WDR6: variants seen among roughly 807,000 people sequenced by gnomAD.
WDR6 encodes the protein WD repeat domain 6, also known as tRNA (34-2'-O)-methyltransferase regulator WDR6.
A neutral mutation model predicts 85.6 loss-of-function variants in WDR6; 58 were observed. The observed-to-expected ratio is 0.68, with a 90% confidence interval of 0.55 to 0.84. The LOEUF is 0.84. WDR6 is among the 40% of genes least tolerant of loss of function. The pLI is 0.00. For missense variants in WDR6, 1,310 were observed against 1,476.4 expected (o/e 0.89, Z 1.85); for synonymous variants, 569 against 582.2 (o/e 0.98, Z 0.33).
chr3:49,010,586 C>T (rs1357418642), intron 1 of WDR6, among the ~76,000 whole-genome samples: 1 of 151,976 alleles, frequency 6.6e-6, no homozygotes, highest in African/African-American at 2.4e-5. Context: ...CTTGGTGGCT[C>T]ACGCCTATAA....
In WDR6 at chr3:49,012,281, G is replaced by C. The variant is rs755596006; in HGVS notation, c.747G>C (p.Gln249His). 2 of 1,614,266 alleles carry C rather than the reference G, an allele frequency of 1.2e-6. No individual in the cohort carries two copies. The highest frequency in any genetic ancestry group is 1.6e-4 in the Middle Eastern group (1 of 6,062). ...TGCGAGTGCCTGGGGGTCGGGTGCA[G>C]AATATTGGGCACTGCTTTGGGCACA... ...GDLRVPGGRV[Q>H]NIGHCFGHSA... is the part of the protein sequence containing the mutation. Residue 249 changes from glutamine to histidine, a missense_variant, in exon 2 of 6, where the codon CAG becomes CAC. By Grantham distance (24) the Gln-to-His change is conservative. Coordinates refer to ENST00000608424, the MANE Select transcript of WDR6 (RefSeq NM_018031.6). The surrounding 1 kb of genome is among the most constrained non-coding windows in gnomAD (Gnocchi z 4.4).
In WDR6 at chr3:49,012,785, CA is replaced by C; in HGVS notation, c.1253del (p.Lys418ArgfsTer24). On this transcript the variant is annotated frameshift_variant, in exon 2 of 6. Coordinates refer to ENST00000608424, the MANE Select transcript of WDR6 (RefSeq NM_018031.6). LOFTEE classifies it high-confidence loss of function. This position sits in a 1 kb window ranked among gnomAD's most constrained non-coding sequence, Gnocchi z 4.4. ...CTATGGCCAATGGGGAAGGTCGTGT[CA>C]AGGTTGTCCCCATCAACACTCCAAC... ...CAMANGEGRV[K>X]VVPINTPTAA... The C allele has an allele frequency of 6.2e-7, 1 of 1,613,970 alleles. No homozygotes were observed. The highest frequency in any genetic ancestry group is 2.2e-5 in the East Asian group (1 of 44,858).
chr3:49,015,723 C>A lies in WDR6; in HGVS notation c.*435C>A. ...GTCGAGGCTCCTGAAAGAGAAAGGG[C>A]CTGCTGGTCTCATCCTCTGCTTCCT... On this transcript the variant is annotated 3_prime_UTR_variant, in exon 6 of 6. Coordinates refer to ENST00000608424, the MANE Select transcript of WDR6 (RefSeq NM_018031.6). 1.2e-6 allele frequency: 2 copies of A among 1,614,054 alleles called. No homozygotes were observed. The highest frequency in any genetic ancestry group is 1.7e-6 in the Non-Finnish European group (2 of 1,179,998).
Position 49,013,834 on chromosome 3 carries a change from TC to T in WDR6, c.2301del (p.Thr768GlnfsTer31), listed in dbSNP as rs1191451321. 6.2e-7 allele frequency: 1 copy of T among 1,614,114 alleles called. No individual in the cohort carries two copies. The highest frequency in any genetic ancestry group is 1.1e-5 in the South Asian group (1 of 91,082). ...LPTTTGSAHA[L>X]TAVCNHISSV... is the part of the protein sequence containing the mutation. ...ACAACCACAGGCTCAGCCCACGCAC[TC>T]ACAGCTGTTTGTAACCATATCTCCT... On this transcript the variant is annotated frameshift_variant, in exon 2 of 6. Transcript: ENST00000608424. LOFTEE classifies it high-confidence loss of function. This position sits in a 1 kb window ranked among gnomAD's most constrained non-coding sequence, Gnocchi z 4.6.
chr3:49,013,816 C>T lies in WDR6; in HGVS notation c.2282C>T (p.Thr761Ile), dbSNP rs748824000. The T allele has an allele frequency of 1.2e-6, 2 of 1,614,140 alleles. No homozygotes were observed. The highest frequency in any genetic ancestry group is 3.3e-5 in the Admixed American group (2 of 60,032). Residue 761 changes from threonine (T) to isoleucine (I), a missense_variant, in exon 2 of 6, where the codon ACA (threonine) becomes ATA (isoleucine). By Grantham distance (89) the Thr-to-Ile change is moderately conservative. Transcript: ENST00000608424. The surrounding 1 kb of genome is among the most constrained non-coding windows in gnomAD (Gnocchi z 4.6). ...TVCVLALPTTTGSAHALTAVC... is the reference protein window; with the variant it reads ...TVCVLALPTTIGSAHALTAVC... ...TGTGTCCTAGCACTCCCTACAACCA[C>T]AGGCTCAGCCCACGCACTCACAGCT...
intron 1 of WDR6, among the ~76,000 whole-genome samples, chr3:49,010,685 T>C (rs1576613755): frequency 6.7e-6 from 1 of 148,352 alleles, no homozygotes; most frequent in South Asian, 2.2e-4. Context: ...CCTGTCTCTA[T>C]TAAAAATACA....
chr3:49,014,983 G>A lies in WDR6; in HGVS notation c.3061G>A (p.Glu1021Lys). The A allele has an allele frequency of 1.2e-6, 2 of 1,614,182 alleles. No individual in the cohort carries two copies. Among genetic ancestry groups the A allele is most frequent in the Non-Finnish European group, 1.7e-6 (2 of 1,180,012 alleles). The change falls in exon 6 of 6, where the codon GAG (glutamate) becomes AAG (lysine). Residue 1021 changes from glutamate (E) to lysine (K), a missense_variant. By Grantham distance (56) the Glu-to-Lys change is moderately conservative. Transcript: ENST00000608424. This position sits in a 1 kb window ranked among gnomAD's most constrained non-coding sequence, Gnocchi z 4.9. The part of the protein sequence containing the change: ...VLAVEMLQLE[E>K]AVGEAGLVPQ... ...TGCTGTGGAGATGCTACAGCTAGAA[G>A]AGGCTGTGGGAGAGGCTGGGCTGGT...
Position 49,010,275 on chromosome 3 carries a change from G to A in WDR6, c.101-1360G>A, listed in dbSNP as rs561050201. 6.4e-4 allele frequency among the ~76,000 whole-genome samples: 97 copies of A among 151,112 alleles called. 1 individual carries two copies. Among genetic ancestry groups the A allele is most frequent in the African/African-American group, 2.3e-3 (95 of 41,206 alleles). On this transcript the variant is annotated intron_variant, in intron 1 of 5. Coordinates refer to ENST00000608424, the MANE Select transcript of WDR6 (RefSeq NM_018031.6). ...CAAAAAATTAGCCGGGCATGGTGGC[G>A]GATGCCTGTAGTCCCAGCTACTTGG...
In WDR6 at chr3:49,015,278, G is replaced by T; in HGVS notation, c.3356G>T (p.Trp1119Leu). 1.2e-6 allele frequency: 2 copies of T among 1,610,144 alleles called. No homozygotes were observed. Among genetic ancestry groups the T allele is most frequent in the Non-Finnish European group, 8.5e-7 (1 of 1,179,864 alleles). ...LGGQGLEVYN[W>L]YD ...GGTCAGGGGCTTGAGGTTTACAACTGGTATGACTGAGGTATCCTGCGGTGG... is the reference window on the plus strand; with the variant it reads ...GGTCAGGGGCTTGAGGTTTACAACTTGTATGACTGAGGTATCCTGCGGTGG... The change falls in exon 6 of 6, where the codon TGG (tryptophan) becomes TTG (leucine). Residue 1119 changes from tryptophan to leucine, a missense_variant. Coordinates refer to ENST00000608424, the MANE Select transcript of WDR6 (RefSeq NM_018031.6).
In WDR6 at chr3:49,013,397, A is replaced by G. The variant is rs2093028970; in HGVS notation, c.1863A>G (p.Ile621Met). ...RGMNWLAGLR[I>M]VPDGSMVILG... ...TGAACTGGCTAGCTGGGCTCCGTAT[A>G]GTGCCCGATGGGAGCATGGTTATCC... The change falls in exon 2 of 6, where the codon ATA (isoleucine) becomes ATG (methionine). Residue 621 changes from isoleucine to methionine, a missense_variant. Physicochemically the swap from Ile to Met is conservative, Grantham distance 10. Transcript: ENST00000608424. This position sits in a 1 kb window ranked among gnomAD's most constrained non-coding sequence, Gnocchi z 4.6. 1 of 1,614,208 alleles carries G rather than the reference A, an allele frequency of 6.2e-7. No homozygotes were observed.
In WDR6 at chr3:49,015,252, G is replaced by A. The variant is rs1161061260; in HGVS notation, c.3330G>A (p.Gly1110=). 3 of 1,612,772 alleles carry A rather than the reference G, an allele frequency of 1.9e-6. No individual in the cohort carries two copies. The highest frequency in any genetic ancestry group is 2.5e-6 in the Non-Finnish European group (3 of 1,180,018). The change falls in exon 6 of 6, where the codon GGG becomes GGA. Residue 1110 remains glycine, a synonymous_variant. Transcript: ENST00000608424. ...AGTTTGGCCACCGTTGTGCCCTTGGGGGTCAGGGGCTTGAGGTTTACAACT... is the reference window on the plus strand; with the variant it reads ...AGTTTGGCCACCGTTGTGCCCTTGGAGGTCAGGGGCTTGAGGTTTACAACT... ...SPEFGHRCAL[G]GQGLEVYNWY...
At position 49,012,103 on chromosome 3, in the gene WDR6, C is replaced by A. The variant is rs747756087; in HGVS notation, c.569C>A (p.Ala190Glu). The A allele has an allele frequency of 6.2e-7, 1 of 1,614,022 alleles. No individual in the cohort carries two copies. The highest frequency in any genetic ancestry group is 1.7e-5 in the Admixed American group (1 of 60,034). The change falls in exon 2 of 6, where the codon GCA becomes GAA. Residue 190 changes from alanine (A) to glutamate (E), a missense_variant. Coordinates refer to ENST00000608424, the MANE Select transcript of WDR6 (RefSeq NM_018031.6). The surrounding 1 kb of genome is among the most constrained non-coding windows in gnomAD (Gnocchi z 4.4). ...VSNQLLVWYP[A>E]TALADNKPVA... ...AACCAGCTCTTGGTCTGGTACCCAGCAACTGCCTTAGCAGACAACAAACCT... is the reference window on the plus strand; with the variant it reads ...AACCAGCTCTTGGTCTGGTACCCAGAAACTGCCTTAGCAGACAACAAACCT...
chr3:49,007,871 T>C lies in WDR6; in HGVS notation c.100+340T>C, dbSNP rs553632380. Among the ~76,000 whole-genome samples, 72 of 149,782 alleles carry C rather than the reference T, an allele frequency of 4.8e-4. No homozygotes were observed. The highest frequency in any genetic ancestry group is 1.5e-3 in the African/African-American group (62 of 40,692). On this transcript the variant is annotated intron_variant, in intron 1 of 5. Transcript: ENST00000608424. The surrounding 1 kb of genome is among the most constrained non-coding windows in gnomAD (Gnocchi z 5.1). ...CTGAGGGTTGAGGGGGTGTGCTCCC[T>C]TCTAGGAGATGGGCGGGGGCTTGGC... is the stretch of plus-strand genomic sequence containing the variant.
intron 1 of WDR6, chr3:49,011,408 T>TC: frequency 7.0e-7 from 1 of 1,433,004 alleles, no homozygotes; most frequent in South Asian, 1.3e-5. Flanking sequence ...TTTTTTTTTT[T>TC]CTTTTGAGAC....
chr3:49,014,600 G>T lies in WDR6; in HGVS notation c.2784G>T (p.Arg928=). ...CAGGCTGTCTTTTCCTGGCTCTCAG[G>T]AGGCTCCTCCTGTGCAGCGCAGCTA... ...SFTHEAPNQR[R]RLLLCSAATD... is the part of the protein sequence containing the mutation. Residue 928 remains arginine (R), a splice_region_variant and synonymous_variant, in exon 5 of 6, where the codon CGG becomes CGT. Coordinates refer to ENST00000608424, the MANE Select transcript of WDR6 (RefSeq NM_018031.6). This position sits in a 1 kb window ranked among gnomAD's most constrained non-coding sequence, Gnocchi z 4.9. 6.2e-7 allele frequency: 1 copy of T among 1,613,626 alleles called. No individual in the cohort carries two copies. The highest frequency in any genetic ancestry group is 8.5e-7 in the Non-Finnish European group (1 of 1,179,966).
rs150379594 is a variant in WDR6 at position 49,015,700 on chromosome 3, C to T, written c.*412C>T. 67 of 1,613,858 alleles carry T rather than the reference C, an allele frequency of 4.2e-5. No individual in the cohort carries two copies. Among genetic ancestry groups the T allele is most frequent in the Admixed American group, 1.7e-4 (10 of 59,980 alleles). On this transcript the variant is annotated 3_prime_UTR_variant, in exon 6 of 6. Coordinates refer to ENST00000608424, the MANE Select transcript of WDR6 (RefSeq NM_018031.6). ...GAACATCTGACCAAAGAGGTGTGGT[C>T]GAGGCTCCTGAAAGAGAAAGGGCCT... is the stretch of plus-strand genomic sequence containing the variant.
rs961779724 is a variant in WDR6 at position 49,008,041 on chromosome 3, G to A, written c.100+510G>A. 9.1e-5 allele frequency: 14 copies of A among 153,226 alleles called. No individual in the cohort carries two copies. In the East Asian group the frequency reaches 2.5e-3, roughly 28 times the overall value. The allele number at this position is 153,226 out of a possible 1,614,324, so 9.5% of individuals were successfully genotyped here. ...GGCAAGGGTGTGGCCTCTCGAGGGC[G>A]GGATGAGTCTCTTCCCCCTAAGGTG... On this transcript the variant is annotated intron_variant, in intron 1 of 5. Transcript: ENST00000608424.
At position 49,013,767 on chromosome 3, in the gene WDR6, A is replaced by C. The variant is rs532422402; in HGVS notation, c.2233A>C (p.Thr745Pro). 1.9e-6 allele frequency: 3 copies of C among 1,614,130 alleles called. No homozygotes were observed. The highest frequency in any genetic ancestry group is 2.2e-5 in the South Asian group (2 of 91,080). ...GCCCGACTTGACTGACATTGTGATC[A>C]CATGTAGTGAGGACACTACTGTCTG... ...EGPDLTDIVI[T>P]CSEDTTVCVL... Residue 745 changes from threonine (T) to proline (P), a missense_variant, in exon 2 of 6, where the codon ACA becomes CCA. Transcript: ENST00000608424. This position sits in a 1 kb window ranked among gnomAD's most constrained non-coding sequence, Gnocchi z 4.6.
At position 49,015,816 on chromosome 3, in the gene WDR6, T is replaced by A. The variant is rs768216071; in HGVS notation, c.*528T>A. The A allele has an allele frequency of 6.2e-7, 1 of 1,614,140 alleles. No individual in the cohort carries two copies. On this transcript the variant is annotated 3_prime_UTR_variant, in exon 6 of 6. Transcript: ENST00000608424. ...GCTGTGTGCTCACCCCCAGGATGTG[T>A]ACCCGGTTGTAGTAGGAGCTGAAAT...
Sources: allele counts gnomAD v4.1 joint callset (sites outside exome capture counted in the v4.1 genomes callset), GRCh38; gene constraint gnomAD v4.1.1; non-coding constraint Gnocchi (gnomAD v3.1); transcripts MANE v1.5; gene names NCBI Gene and HGNC (gene_info 2026-07-23, HGNC 2026-07-21).